Variants in BANP observed in about 807,000 individuals in gnomAD.
The protein encoded by BANP is protein BANP.
A neutral mutation model predicts 68.1 loss-of-function variants in BANP; 11 were observed. The ratio of observed to expected loss-of-function variants is 0.16; its 90% CI spans 0.10 to 0.27. The LOEUF (loss-of-function observed/expected upper bound fraction) is 0.27, where lower values mean the gene tolerates loss of function less well. Among genes scored for constraint, BANP ranks in the 10% least tolerant of loss-of-function variants. The pLI is 1.00. For missense variants in BANP, 504 were observed against 722.7 expected (o/e 0.70, Z 3.47); for synonymous variants, 329 against 303.2 (o/e 1.09, Z -0.88).
rs527623095 is a variant in BANP at position 88,003,877 on chromosome 16, A to G, written c.363-418A>G. On this transcript the variant is annotated intron_variant, in intron 4 of 13. Coordinates refer to ENST00000682872, the MANE Select transcript of BANP (RefSeq NM_001386991.1). This position sits in a 1 kb window ranked among gnomAD's most constrained non-coding sequence, Gnocchi z 6.1. ...CGAACGTTAGATCTGTCCCATAGGA[A>G]TGAGTTGGGATGGAGTGACTGAAAA... 7.5e-5 allele frequency: 22 copies of G among 294,912 alleles called. No homozygotes were observed. The highest frequency in any genetic ancestry group is 4.7e-4 in the African/African-American group (21 of 45,158). The allele number at this position is 294,912 out of a possible 1,614,324, so 18.3% of individuals were successfully genotyped here. A position where few individuals can be genotyped will look rare whatever the true frequency, so the allele number is the denominator to read the frequency against.
chr16:87,975,365 C>G (rs546261045), intron 2 of BANP, among the ~76,000 whole-genome samples, 180 bp downstream of exon 2: 1 of 152,222 alleles, frequency 6.6e-6, no homozygotes, highest in African/African-American at 2.4e-5. Context: ...CCCCTGCAGC[C>G]TCAGCCCCAC....
In BANP at chr16:87,976,256, T is replaced by A. The variant is rs1160820324; in HGVS notation, c.70+1071T>A. ...CGGTGACAGGTTTTCTAGAAATGTT[T>A]TACTAATTCTTCCACGGACAGTGCT... On this transcript the variant is annotated intron_variant, in intron 2 of 13. Transcript: ENST00000682872. Among the ~76,000 whole-genome samples, 3 of 152,242 alleles carry A rather than the reference T, an allele frequency of 2.0e-5. No individual in the cohort carries two copies. In the East Asian group the frequency reaches 5.8e-4, roughly 29 times the overall value.
chr16:88,072,877 C>T (rs2090699405), intron 13 of BANP, among the ~76,000 whole-genome samples: 1 of 152,214 alleles, frequency 6.6e-6, no homozygotes, highest in South Asian at 2.1e-4. Flanking sequence ...TGGGAACGTG[C>T]CCAGCGGGGA....
chr16:87,967,639 T>TTTTTG (rs71156275), intron 1 of BANP, among the ~76,000 whole-genome samples: 1 of 149,964 alleles, frequency 6.7e-6, no homozygotes. Context: ...TTTTTTTTTT[T>TTTTTG]GAGATGGAGT....
chr16:88,052,280 T>C lies in BANP; in HGVS notation c.1312-12987T>C, dbSNP rs555735025. 1.3e-3 allele frequency among the ~76,000 whole-genome samples: 200 copies of C among 152,298 alleles called. 1 individual carries two copies. Among genetic ancestry groups the C allele is most frequent in the Middle Eastern group, 0.01 (3 of 294 alleles). On this transcript the variant is annotated intron_variant, in intron 11 of 13. Transcript: ENST00000682872. ...AGCTGAAATACACCTTCTAAAGCAT[T>C]GTGGCAAGCTAGCGCTCTGCCTGCA... is the stretch of plus-strand genomic sequence containing the variant.
rs6540122 is a variant in BANP at position 87,957,755 on chromosome 16, C to T, written c.-69+6240C>T. Among the ~76,000 whole-genome samples the T allele has an allele frequency of 0.31, 47,135 of 152,198 alleles. 9,258 individuals are homozygous for T. Among genetic ancestry groups the T allele is most frequent in the African/African-American group, 0.53 (21,922 of 41,498 alleles). ...TCCTTGCCGGTGTGAATGCGCTTCC[C>T]GTAAATATGGCAGAACGCCTTCACC... On this transcript the variant is annotated intron_variant, in intron 1 of 13. Transcript: ENST00000682872. This position sits in a 1 kb window ranked among gnomAD's most constrained non-coding sequence, Gnocchi z 4.3.
rs896431641 is a variant in BANP at position 87,957,256 on chromosome 16, C to T, written c.-69+5741C>T. ...GGTGCTCCATTCGGAACCCACAGGT[C>T]GCCAGCTTACAGCGTGGGAGCTGTG... is the stretch of plus-strand genomic sequence containing the variant. On this transcript the variant is annotated intron_variant, in intron 1 of 13. Coordinates refer to ENST00000682872, the MANE Select transcript of BANP (RefSeq NM_001386991.1). The surrounding 1 kb of genome is among the most constrained non-coding windows in gnomAD (Gnocchi z 4.3). 6.6e-6 allele frequency among the ~76,000 whole-genome samples: 1 copy of T among 152,160 alleles called. No individual in the cohort carries two copies. The highest frequency in any genetic ancestry group is 2.4e-5 in the African/African-American group (1 of 41,420).
chr16:88,031,713 A>C (rs1270572301), intron 8 of BANP, among the ~76,000 whole-genome samples: 1 of 152,028 alleles, frequency 6.6e-6, no homozygotes, highest in Non-Finnish European at 1.5e-5. Context: ...AGTGGAATCT[A>C]GGTACTATGG....
intron 3 of BANP, among the ~76,000 whole-genome samples, chr16:87,982,018 ATTTGT>A (rs933408065): frequency 9.2e-5 from 14 of 152,354 alleles, no homozygotes; most frequent in Admixed American, 4.6e-4. Flanking sequence ...GTAATATTTA[ATTTGT>A]TTTGTTAACA....
chr16:88,063,014 C>T (rs929607278), intron 11 of BANP, among the ~76,000 whole-genome samples: 9 of 152,222 alleles, frequency 5.9e-5, no homozygotes, highest in African/African-American at 1.9e-4. Flanking sequence ...TTGTCCTCAT[C>T]ACCAATTTCA....
At chr16:88,048,729 A>G (rs2082570399) in intron 11 of BANP, among the ~76,000 whole-genome samples, 1 of 152,184 alleles carries the variant, frequency 6.6e-6, no homozygotes, top group East Asian at 1.9e-4. Flanking sequence ...TGTTCTTGGT[A>G]TCAAATCGGC....
chr16:87,954,308 A>G (rs909088795), intron 1 of BANP, among the ~76,000 whole-genome samples: 4 of 152,130 alleles, frequency 2.6e-5, no homozygotes, highest in African/African-American at 7.2e-5. Context: ...CAAGTGCCTC[A>G]TCTCCATGAC....
At chr16:88,048,034 G>A (rs1055657981) in intron 11 of BANP, among the ~76,000 whole-genome samples, 15 of 152,230 alleles carry the variant, frequency 9.9e-5, no homozygotes, top group East Asian at 1.9e-4. Flanking sequence ...TGCAGGGCCG[G>A]CTCAAAGAGC....
intron 1 of BANP, among the ~76,000 whole-genome samples, chr16:87,971,823 C>T (rs2061183406): frequency 6.6e-6 from 1 of 152,080 alleles, no homozygotes; most frequent in African/African-American, 2.4e-5. Flanking sequence ...GACAGGGTCT[C>T]GTTCTGTTGT....
chr16:87,990,378 T>A (rs537180838), intron 4 of BANP, among the ~76,000 whole-genome samples: 4 of 152,284 alleles, frequency 2.6e-5, no homozygotes, highest in Non-Finnish European at 5.9e-5. Context: ...GAAGGAGAAA[T>A]TTTTCTTTTC....
At chr16:87,997,901 C>G in intron 4 of BANP, among the ~76,000 whole-genome samples, 1 of 152,224 alleles carries the variant, frequency 6.6e-6, no homozygotes, top group South Asian at 2.1e-4. Context: ...CCAGTCAGCC[C>G]TCAGACTTTA....
At chr16:87,975,563 G>A in intron 2 of BANP, among the ~76,000 whole-genome samples, 1 of 149,352 alleles carries the variant, frequency 6.7e-6, no homozygotes. Context: ...CATGTTGTGT[G>A]TGTAATCCCA....
At chr16:87,968,417 G>A (rs537747989) in intron 1 of BANP, among the ~76,000 whole-genome samples, 38 of 149,382 alleles carry the variant, frequency 2.5e-4, no homozygotes, top group South Asian at 4.2e-4. Context: ...CCAGGAGGCA[G>A]AGGTTGCGGT....
At chr16:87,974,561 A>G (rs1025462824) in intron 1 of BANP, among the ~76,000 whole-genome samples, 1 of 152,198 alleles carries the variant, frequency 6.6e-6, no homozygotes, top group Non-Finnish European at 1.5e-5. Flanking sequence ...GGATGCGTGC[A>G]GCTGGGAGAA....
Sources: allele counts gnomAD v4.1 joint callset (sites outside exome capture counted in the v4.1 genomes callset), GRCh38; gene constraint gnomAD v4.1.1; non-coding constraint Gnocchi (gnomAD v3.1); transcripts MANE v1.5; gene names NCBI Gene and HGNC (gene_info 2026-07-23, HGNC 2026-07-21).